The following RPRD2 variants were observed in gnomAD, a reference collection of about 807,000 sequenced individuals.
The protein encoded by RPRD2 is regulation of nuclear pre-mRNA domain-containing protein 2.
A neutral mutation model predicts 104.4 loss-of-function variants in RPRD2; 12 were observed. The ratio of observed to expected loss-of-function variants is 0.11; its 90% CI spans 0.07 to 0.19. The LOEUF is 0.19. RPRD2 is among the 10% of genes least tolerant of loss of function. RPRD2 has a pLI of 1.00. For missense variants in RPRD2, 1,543 were observed against 1,790.1 expected, an observed-to-expected ratio of 0.86 and a Z score of 2.49; for synonymous variants, 714 against 684.9, an observed-to-expected ratio of 1.04 and a Z score of -0.66.
At chr1:150,384,850 T>G (rs1419688066) in intron 1 of RPRD2, among the ~76,000 whole-genome samples, 2 of 151,938 alleles carry the variant, frequency 1.3e-5, no homozygotes, top group Non-Finnish European at 2.9e-5. Context: ...GGTAGGGGAA[T>G]ATATTTAAAA....
At chr1:150,383,263 A>G (rs1661280055) in intron 1 of RPRD2, among the ~76,000 whole-genome samples, 1 of 149,428 alleles carries the variant, frequency 6.7e-6, no homozygotes, top group Non-Finnish European at 1.5e-5. Context: ...CCAAAGTGCT[A>G]GGATTACAGG....
chr1:150,417,672 C>G lies in RPRD2; in HGVS notation c.282C>G (p.Ile94Met), dbSNP rs782445520. ...VIQNCKRKNA[I>M]IFRESFADVL... is the part of the protein sequence containing the mutation. ...AGAACTGTAAAAGGAAAAATGCAATCATATTCCGTGAATCATTTGCTGATG... is the reference window on the plus strand; with the variant it reads ...AGAACTGTAAAAGGAAAAATGCAATGATATTCCGTGAATCATTTGCTGATG... Residue 94 changes from isoleucine to methionine, a missense_variant, in exon 2 of 11, where the codon ATC (isoleucine) becomes ATG (methionine). Ile to Met is a conservative substitution (Grantham distance 10). Coordinates refer to ENST00000369068, the MANE Select transcript of RPRD2 (RefSeq NM_015203.5). 1 of 1,609,014 alleles carries G rather than the reference C, an allele frequency of 6.2e-7. No homozygotes were observed. The highest frequency in any genetic ancestry group is 1.7e-5 in the Admixed American group (1 of 59,764).
chr1:150,419,652 G>A lies in RPRD2; in HGVS notation c.335+1927G>A, dbSNP rs140177339. Among the ~76,000 whole-genome samples the A allele has an allele frequency of 9.3e-3, 1,414 of 151,948 alleles. 25 individuals are homozygous for A. The highest frequency in any genetic ancestry group is 0.032 in the African/African-American group (1,338 of 41,442). ...TTTTCTTTTTTTGAGATGGAGTTTC[G>A]CTCTTGTTGCCCAGGCTGGAGTGCA... is the stretch of plus-strand genomic sequence containing the variant. On this transcript the variant is annotated intron_variant, in intron 2 of 10. Coordinates refer to ENST00000369068, the MANE Select transcript of RPRD2 (RefSeq NM_015203.5).
intron 2 of RPRD2, among the ~76,000 whole-genome samples, chr1:150,432,285 C>T (rs1221149910): frequency 6.6e-6 from 1 of 151,634 alleles, no homozygotes; most frequent in Non-Finnish European, 1.5e-5. Flanking sequence ...TGTATGATTA[C>T]ATTTATCAAA....
chr1:150,472,053 A>G lies in RPRD2; in HGVS notation c.3105A>G (p.Pro1035=). ...HFGQAPSKGT[P]SDGVSLSNLT... is the part of the protein sequence containing the mutation. ...GCCAGGCTCCCAGCAAGGGCACTCC[A>G]AGTGATGGTGTCAGTCTCTCAAACC... The change falls in exon 11 of 11, where the codon CCA becomes CCG. Residue 1035 remains proline, a synonymous_variant. Coordinates refer to ENST00000369068, the MANE Select transcript of RPRD2 (RefSeq NM_015203.5). 6.2e-7 allele frequency: 1 copy of G among 1,613,826 alleles called. No individual in the cohort carries two copies. Among genetic ancestry groups the G allele is most frequent in the Non-Finnish European group, 8.5e-7 (1 of 1,179,878 alleles).
chr1:150,451,101 G>A (rs61817552), intron 7 of RPRD2, among the ~76,000 whole-genome samples: 28,302 of 151,908 alleles, frequency 0.19, 2,809 homozygotes, highest in East Asian at 0.24. Context: ...CTTGATTTTC[G>A]TGACCTAAAT....
At chr1:150,457,632 A>T (rs1325640085) in intron 8 of RPRD2, 62 bp downstream of exon 8, 14 of 1,286,866 alleles carry the variant, frequency 1.1e-5, no homozygotes, top group Non-Finnish European at 1.1e-6. Flanking sequence ...CTCAGCAATG[A>T]ATACATCACA....
chr1:150,470,737 T>C lies in RPRD2; in HGVS notation c.1789T>C (p.Ser597Pro). Residue 597 changes from serine (S) to proline (P), a missense_variant, in exon 11 of 11, where the codon TCA becomes CCA. Transcript: ENST00000369068. ...AAGCTTCAACTATTCTCCTAACTCA[T>C]CAACTTCTGAAGTCTCTTCAACTTC... ...PKSFNYSPNS[S>P]TSEVSSTSAS... 1 of 1,614,032 alleles carries C rather than the reference T, an allele frequency of 6.2e-7. No individual in the cohort carries two copies. Among genetic ancestry groups the C allele is most frequent in the South Asian group, 1.1e-5 (1 of 91,082 alleles).
intron 2 of RPRD2, among the ~76,000 whole-genome samples, chr1:150,428,183 G>A (rs1665292150): frequency 6.6e-6 from 1 of 151,900 alleles, no homozygotes; most frequent in African/African-American, 2.4e-5. Context: ...ATCTATCCTC[G>A]CCGGGCGTGG....
chr1:150,445,685 C>T (rs1666711241), intron 6 of RPRD2, among the ~76,000 whole-genome samples: 1 of 152,108 alleles, frequency 6.6e-6, no homozygotes. Context: ...TTACAAGTGC[C>T]TTCACTCTGG....
At chr1:150,431,472 G>GA (rs1665566618) in intron 2 of RPRD2, among the ~76,000 whole-genome samples, 1 of 65,760 alleles carries the variant, frequency 1.5e-5, no homozygotes, top group South Asian at 6.2e-4. Context: ...AAAAAGGAAG[G>GA]ATTTTTTTTT....
intron 9 of RPRD2, among the ~76,000 whole-genome samples, chr1:150,461,663 C>T (rs587619942): frequency 3.3e-5 from 5 of 151,800 alleles, no homozygotes; most frequent in East Asian, 2.0e-4. Context: ...GACAACATGG[C>T]GAAACCCCAT....
In RPRD2 at chr1:150,472,876, C is replaced by T. The variant is rs1370146838; in HGVS notation, c.3928C>T (p.Pro1310Ser). The change falls in exon 11 of 11, where the codon CCA becomes TCA. Residue 1310 changes from proline (P) to serine (S), a missense_variant. This residue lies in a region of RPRD2 where 880 missense variants were observed against 885.6 expected (regional missense o/e 0.99). Coordinates refer to ENST00000369068, the MANE Select transcript of RPRD2 (RefSeq NM_015203.5). The stretch of plus-strand genomic sequence containing the variant: ...CTCTGGAGTTGTACCCTTCCCAGCC[C>T]CACCACTGGCAGAGCACGGAGTGGC... ...DHSGVVPFPAPPLAEHGVAGA... is the reference protein window; with the variant it reads ...DHSGVVPFPASPLAEHGVAGA... 6.2e-7 allele frequency: 1 copy of T among 1,613,166 alleles called. No individual in the cohort carries two copies.
chr1:150,414,218 T>C (rs1553888168), intron 1 of RPRD2, among the ~76,000 whole-genome samples: 3 of 152,194 alleles, frequency 2.0e-5, no homozygotes, highest in African/African-American at 7.2e-5. Context: ...TTAAAGCAAC[T>C]AGAAGGAGGT....
In RPRD2 at chr1:150,441,017, G is replaced by C; in HGVS notation, c.430G>C (p.Ala144Pro). 6.5e-7 allele frequency: 1 copy of C among 1,532,108 alleles called. No homozygotes were observed. The highest frequency in any genetic ancestry group is 8.9e-7 in the Non-Finnish European group (1 of 1,128,382). 94.9% of individuals were successfully genotyped at this position (1,532,108 alleles called of 1,614,324 possible). A position where few individuals can be genotyped will look rare whatever the true frequency, so the allele number is the denominator to read the frequency against. ...AGAAATGATTGTGGCATTGAGAGAA[G>C]CTTTGAGTAAGTGTCTTTTTCTCTC... ...PEEMIVALRE[A>P]LSTTFKTQKQ... Residue 144 changes from alanine to proline, a missense_variant, in exon 3 of 11, where the codon GCT becomes CCT. By Grantham distance (27) the Ala-to-Pro change is conservative. Coordinates refer to ENST00000369068, the MANE Select transcript of RPRD2 (RefSeq NM_015203.5).
At chr1:150,392,005 G>A (rs1233360435) in intron 1 of RPRD2, among the ~76,000 whole-genome samples, 1 of 151,988 alleles carries the variant, frequency 6.6e-6, no homozygotes, top group East Asian at 1.9e-4. Context: ...GTTAAGAAAT[G>A]TTTGTGTGTT....
At chr1:150,392,451 G>A (rs587652016) in intron 1 of RPRD2, among the ~76,000 whole-genome samples, 9 of 152,296 alleles carry the variant, frequency 5.9e-5, no homozygotes, top group East Asian at 3.9e-4. Flanking sequence ...GCTGCAGTGA[G>A]CTGAGATCGC....
intron 2 of RPRD2, 25 bp downstream of exon 2, chr1:150,417,750 G>T: frequency 6.5e-7 from 1 of 1,544,412 alleles, no homozygotes; most frequent in South Asian, 1.2e-5. Flanking sequence ...ATTGCTCTAT[G>T]GGATCTAAAC....
At position 150,473,518 on chromosome 1, in the gene RPRD2, C is replaced by T. The variant is rs1384283636; in HGVS notation, c.*184C>T. On this transcript the variant is annotated 3_prime_UTR_variant, in exon 11 of 11. Transcript: ENST00000369068. ...TTTACTATTCAATTCAATCCTCCCT[C>T]CCATTGCACTTATCTACCTTCCCCA... 11 of 384,834 alleles carry T rather than the reference C, an allele frequency of 2.9e-5. No homozygotes were observed. The highest frequency in any genetic ancestry group is 2.3e-4 in the African/African-American group (10 of 44,048). The allele number at this position is 384,834 out of a possible 1,614,324, so 23.8% of individuals were successfully genotyped here.
Sources: gnomAD v4.1 joint callset for allele counts (sites outside exome capture counted in the v4.1 genomes callset) on GRCh38, gnomAD v4.1.1 for gene constraint, gnomAD v4.1.1 regional missense constraint, MANE v1.5 for transcripts, NCBI Gene and HGNC (gene_info 2026-07-23, HGNC 2026-07-21) for gene names.